The following LRBA variants were observed in gnomAD, a reference collection of about 807,000 sequenced individuals.
LRBA encodes lipopolysaccharide-responsive and beige-like anchor protein.
Under a neutral mutation model 330.0 loss-of-function variants are expected in LRBA, and 176 were observed. The observed-to-expected ratio is 0.53, with a 90% CI of 0.47 to 0.60. The LOEUF (loss-of-function observed/expected upper bound fraction) is 0.60, where lower values mean the gene tolerates loss of function less well. Ranked by LOEUF, LRBA falls within the 20% of genes least tolerant of loss-of-function variation. The pLI is 0.00. For synonymous variants in LRBA, 1,230 were observed against 1,193.0 expected, an observed-to-expected ratio of 1.03 and a Z score of -0.64; for missense variants, 3,259 against 3,444.8, an observed-to-expected ratio of 0.95 and a Z score of 1.35.
At chr4:150,558,437 A>G (rs1767613494) in intron 40 of LRBA, among the ~76,000 whole-genome samples, 1 of 152,134 alleles carries the variant, frequency 6.6e-6, no homozygotes, top group Non-Finnish European at 1.5e-5. Context: ...TTGTTGTTCA[A>G]ATTATTTTGA....
At chr4:150,613,903 C>T (rs939666638) in intron 37 of LRBA, among the ~76,000 whole-genome samples, 2 of 152,216 alleles carry the variant, frequency 1.3e-5, no homozygotes, top group African/African-American at 4.8e-5. Context: ...AGGGAAAACT[C>T]TGAAGACAGT....
intron 37 of LRBA, among the ~76,000 whole-genome samples, chr4:150,660,585 A>G (rs1486980831): frequency 1.4e-5 from 2 of 147,556 alleles, no homozygotes; most frequent in South Asian, 2.2e-4. Context: ...CAGCTCATTG[A>G]GAACGGGCCA....
At chr4:150,314,892 G>A (rs1269709137) in intron 51 of LRBA, 3 of 151,930 alleles carry the variant, frequency 2.0e-5, no homozygotes, top group Admixed American at 6.6e-5. Context: ...CTTTCTGGTC[G>A]CCTCCCTATT....
chr4:150,443,148 C>T (rs116804881), intron 44 of LRBA, among the ~76,000 whole-genome samples: 3,648 of 152,218 alleles, frequency 0.024, 149 homozygotes, highest in African/African-American at 0.081. Context: ...CCAGTGGCAG[C>T]AGCAAGATTA....
chr4:150,358,848 G>C (rs1478474817), intron 47 of LRBA, among the ~76,000 whole-genome samples: 1 of 152,136 alleles, frequency 6.6e-6, no homozygotes, highest in Non-Finnish European at 1.5e-5. Flanking sequence ...AATACTAGCA[G>C]TCTCTTGCCT....
chr4:150,845,622 G>A (rs997779748), intron 26 of LRBA, among the ~76,000 whole-genome samples: 2 of 152,072 alleles, frequency 1.3e-5, no homozygotes, highest in African/African-American at 4.8e-5. Flanking sequence ...AACTTAAGGG[G>A]GGACTTCACA....
intron 42 of LRBA, among the ~76,000 whole-genome samples, chr4:150,485,034 T>C (rs2152088182): frequency 6.6e-6 from 1 of 152,110 alleles, no homozygotes; most frequent in African/African-American, 2.4e-5. Context: ...TTGAGACTTA[T>C]TTTAGGGCTG....
intron 34 of LRBA, among the ~76,000 whole-genome samples, chr4:150,794,471 C>T (rs921933227): frequency 2.0e-5 from 3 of 151,646 alleles, no homozygotes; most frequent in Middle Eastern, 3.4e-3. Flanking sequence ...AATAAAGAAA[C>T]GTTTTACTGA....
At chr4:150,996,479 G>A (rs1034148389) in intron 2 of LRBA, among the ~76,000 whole-genome samples, 1 of 152,010 alleles carries the variant, frequency 6.6e-6, no homozygotes, top group African/African-American at 2.4e-5. Context: ...TTAAAGAGTT[G>A]GTCATTCCAT....
chr4:150,576,218 T>C (rs1770529902), intron 40 of LRBA, among the ~76,000 whole-genome samples: 2 of 147,654 alleles, frequency 1.4e-5, no homozygotes, highest in African/African-American at 5.0e-5. Flanking sequence ...CAAGGAAGAA[T>C]AGGAAAAGAA....
chr4:150,934,885 G>A (rs1327468222), intron 2 of LRBA, among the ~76,000 whole-genome samples: 2 of 152,178 alleles, frequency 1.3e-5, no homozygotes, highest in African/African-American at 4.8e-5. Context: ...ACACATGCCT[G>A]TAATCCCAGC....
At chr4:150,420,366 G>GTATATATAATACACATTATAGTATA (rs1748515846) in intron 46 of LRBA, among the ~76,000 whole-genome samples, 1 of 132,250 alleles carries the variant, frequency 7.6e-6, no homozygotes, top group African/African-American at 2.9e-5. Flanking sequence ...ATAGTATAAA[G>GTATATATAATACACATTATAGTATA]TATATATAAT....
intron 40 of LRBA, among the ~76,000 whole-genome samples, chr4:150,586,332 T>C (rs1352241301): frequency 5.3e-5 from 8 of 152,116 alleles, no homozygotes; most frequent in Non-Finnish European, 1.0e-4. Flanking sequence ...TTTTAAGTCT[T>C]GACAAAAAGA....
chr4:150,279,999 T>A (rs978631929), intron 55 of LRBA, among the ~76,000 whole-genome samples: 2 of 152,224 alleles, frequency 1.3e-5, no homozygotes, highest in African/African-American at 4.8e-5. Flanking sequence ...TAATTCTTTG[T>A]TCTAGTAAAG....
rs562891147 is a variant in LRBA, at chr4:151,002,732, C to A, written c.216+11695G>T. ...AATCTGGTACTGAAGAATTAAATGG[C>A]CAGATGCAGTGGCTCAAGTCTATAA... is the stretch of plus-strand genomic sequence containing the variant. On this transcript the variant is annotated intron_variant, in intron 2 of 56. Coordinates refer to ENST00000651943, the MANE Select transcript of LRBA (RefSeq NM_001364905.1). 2.0e-5 allele frequency among the ~76,000 whole-genome samples: 3 copies of A among 151,802 alleles called. No individual in the cohort carries two copies. The South Asian group carries it at 6.2e-4, about 32-fold the overall frequency.
intron 46 of LRBA, chr4:150,422,516 C>T: frequency 2.7e-6 from 1 of 366,016 alleles, no homozygotes; most frequent in Non-Finnish European, 5.1e-6. Flanking sequence ...GGGAGATGAA[C>T]ATTATAATAC....
At chr4:150,747,277 T>C (rs1732873621) in intron 35 of LRBA, among the ~76,000 whole-genome samples, 1 of 152,172 alleles carries the variant, frequency 6.6e-6, no homozygotes, top group South Asian at 2.1e-4. Flanking sequence ...CACACCTGCT[T>C]TCCCTCCACA....
intron 55 of LRBA, among the ~76,000 whole-genome samples, chr4:150,281,784 T>C (rs966760195): frequency 1.3e-5 from 2 of 152,180 alleles, no homozygotes; most frequent in Non-Finnish European, 2.9e-5. Flanking sequence ...CTTGAGAAAC[T>C]AGCCTCTGAA....
chr4:150,292,005 T>C (rs2126804089), intron 53 of LRBA, among the ~76,000 whole-genome samples: 1 of 152,328 alleles, frequency 6.6e-6, no homozygotes, highest in African/African-American at 2.4e-5. Context: ...TTCTCACTCA[T>C]AGGTGGGAAT....
Sources: allele counts gnomAD v4.1 joint callset (sites outside exome capture counted in the v4.1 genomes callset), GRCh38; gene constraint gnomAD v4.1.1; transcripts MANE v1.5; gene names NCBI Gene and HGNC (gene_info 2026-07-23, HGNC 2026-07-21).